Variants in PRKN observed in about 807,000 individuals in gnomAD.
PRKN encodes E3 ubiquitin-protein ligase parkin.
In PRKN, 56 loss-of-function variants were observed where a neutral mutation model predicts 59.5. The ratio of observed to expected loss-of-function variants is 0.94; its 90% CI spans 0.76 to 1.18. PRKN has a LOEUF of 1.18. PRKN is among the 50% of genes most tolerant of loss of function. The probability of loss-of-function intolerance (pLI) is 0.00; values close to 1 mark genes in which losing one functional copy is unlikely to be tolerated. For synonymous variants in PRKN, 250 were observed against 222.1 expected (o/e 1.13, Z -1.12); for missense variants, 657 against 596.4 (o/e 1.10, Z -1.06).
At chr6:162,607,831 T>C (rs1210566473) in intron 1 of PRKN, among the ~76,000 whole-genome samples, 3 of 152,084 alleles carry the variant, frequency 2.0e-5, no homozygotes, top group Non-Finnish European at 4.4e-5. Context: ...GAAGAGTTCA[T>C]CTGCCAAGAC....
chr6:162,297,718 T>C (rs942080887), intron 2 of PRKN, among the ~76,000 whole-genome samples: 3 of 151,990 alleles, frequency 2.0e-5, no homozygotes, highest in African/African-American at 7.2e-5. Context: ...AAAAACCACA[T>C]AGGACAAGGA....
At chr6:161,537,724 T>C (rs1255992555) in intron 9 of PRKN, among the ~76,000 whole-genome samples, 1 of 152,224 alleles carries the variant, frequency 6.6e-6, no homozygotes, top group Non-Finnish European at 1.5e-5. Context: ...GTGCTGGGAT[T>C]ACAGGCGTGA....
chr6:162,581,684 A>T (rs1184143076), intron 1 of PRKN, among the ~76,000 whole-genome samples: 1 of 152,220 alleles, frequency 6.6e-6, no homozygotes, highest in East Asian at 1.9e-4. Flanking sequence ...ACTTGAACCC[A>T]GGAGGCAGAG....
At chr6:162,574,572 T>A (rs11968095) in intron 1 of PRKN, among the ~76,000 whole-genome samples, 33,931 of 152,044 alleles carry the variant, frequency 0.22, 4,563 homozygotes, top group African/African-American at 0.37. Context: ...TTTCAACGTG[T>A]ATCTTGGACA....
At position 161,395,092 on chromosome 6, in the gene PRKN, C is replaced by T. The variant is rs1159115488; in HGVS notation, c.1084-8215G>A. On this transcript the variant is annotated intron_variant, in intron 9 of 11. Transcript: ENST00000366898. This position sits in a 1 kb window ranked among gnomAD's most constrained non-coding sequence, Gnocchi z 5.0. The stretch of plus-strand genomic sequence containing the variant: ...TACATTGTGAAAAATGTCTCCTTTC[C>T]TCCTTGGTCAGCTACATAGCTTCCC... Among the ~76,000 whole-genome samples, 3 of 152,088 alleles carry T rather than the reference C, an allele frequency of 2.0e-5. No individual in the cohort carries two copies. The highest frequency in any genetic ancestry group is 4.4e-5 in the Non-Finnish European group (3 of 68,036).
Position 162,011,562 on chromosome 6 carries a change from T to C in PRKN, c.619-38145A>G, listed in dbSNP as rs990081761. ...TTCCAGACTGACTTTAAGATTGGTTTGATATTTTTATTTTCTATTTTACTT... is the reference window on the plus strand; with the variant it reads ...TTCCAGACTGACTTTAAGATTGGTTCGATATTTTTATTTTCTATTTTACTT... On this transcript the variant is annotated intron_variant, in intron 5 of 11. Transcript: ENST00000366898. Among the ~76,000 whole-genome samples the C allele has an allele frequency of 2.4e-4, 32 of 133,374 alleles. No individual in the cohort carries two copies. In the South Asian group the frequency reaches 6.0e-3, roughly 25 times the overall value. 87.5% of individuals were successfully genotyped at this position (133,374 alleles called of 152,430 possible). A position where few individuals can be genotyped will look rare whatever the true frequency, so the allele number is the denominator to read the frequency against.
intron 2 of PRKN, among the ~76,000 whole-genome samples, chr6:162,387,555 C>CACACAGAGAGAGAGAG (rs1212726833): frequency 3.1e-5 from 3 of 95,574 alleles, no homozygotes; most frequent in Admixed American, 1.2e-4. Flanking sequence ...CACACACACA[C>CACACAGAGAGAGAGAG]AGAGAGAGAG....
intron 2 of PRKN, among the ~76,000 whole-genome samples, chr6:162,329,833 T>C (rs1185796729): frequency 2.0e-5 from 3 of 152,158 alleles, no homozygotes; most frequent in African/African-American, 7.2e-5. Context: ...GAAATCTATG[T>C]CAATATAGCC....
intron 4 of PRKN, among the ~76,000 whole-genome samples, chr6:162,138,796 A>G (rs1430170816): frequency 2.0e-5 from 3 of 152,138 alleles, no homozygotes; most frequent in African/African-American, 7.2e-5. Context: ...TGCAGAAGGG[A>G]AAAAGGCAGT....
At chr6:162,462,568 G>A (rs1254824339) in intron 1 of PRKN, among the ~76,000 whole-genome samples, 2 of 152,106 alleles carry the variant, frequency 1.3e-5, no homozygotes, top group African/African-American at 2.4e-5. Flanking sequence ...CAATATAAAT[G>A]TGAGGCTACA....
intron 6 of PRKN, among the ~76,000 whole-genome samples, chr6:161,880,095 A>G (rs1794876372): frequency 6.6e-6 from 1 of 152,214 alleles, no homozygotes; most frequent in South Asian, 2.1e-4. Flanking sequence ...TTCATGTTTA[A>G]TTTTAGAAAA....
chr6:162,503,015 T>A (rs571221326), intron 1 of PRKN, among the ~76,000 whole-genome samples: 88 of 151,084 alleles, frequency 5.8e-4, no homozygotes, highest in African/African-American at 2.0e-3. Context: ...AAATAGAATA[T>A]CTTGTATTGT....
chr6:162,533,239 T>G lies in PRKN; in HGVS notation c.8-89766A>C, dbSNP rs371756515. 3.8e-4 allele frequency among the ~76,000 whole-genome samples: 58 copies of G among 152,284 alleles called. No individual in the cohort carries two copies. The East Asian group carries it at 6.6e-3, about 17-fold the overall frequency. On this transcript the variant is annotated intron_variant, in intron 1 of 11. Transcript: ENST00000366898. ...GAATCAGTTTTAAAGTAAATACATT[T>G]ATGGCTGGGCGCGGTGGCTCACGCC...
Position 161,357,910 on chromosome 6 carries a change from T to C in PRKN, c.1285+2178A>G, listed in dbSNP as rs1784823179. 6.6e-6 allele frequency among the ~76,000 whole-genome samples: 1 copy of C among 152,226 alleles called. No individual in the cohort carries two copies. The highest frequency in any genetic ancestry group is 1.5e-5 in the Non-Finnish European group (1 of 68,044). ...GAGGAAGTCCCATTGAAACCCATCT[T>C]ATGAACGAGCAAACTGGTGCTCACA... On this transcript the variant is annotated intron_variant, in intron 11 of 11. Coordinates refer to ENST00000366898, the MANE Select transcript of PRKN (RefSeq NM_004562.3). This position sits in a 1 kb window ranked among gnomAD's most constrained non-coding sequence, Gnocchi z 5.5.
chr6:162,411,742 T>G (rs533039945), intron 2 of PRKN, among the ~76,000 whole-genome samples: 42 of 152,264 alleles, frequency 2.8e-4, no homozygotes, highest in South Asian at 1.5e-3. Context: ...ATTAGGAGAC[T>G]GGAGACAAAT....
rs6915926 is a variant in PRKN, at chr6:161,526,789, C to T, written c.1083+22065G>A. ...AATAAACTGACAGTAGACAGATCAA[C>T]ACGATAAAATACATACAAATTTATT... On this transcript the variant is annotated intron_variant, in intron 9 of 11. Coordinates refer to ENST00000366898, the MANE Select transcript of PRKN (RefSeq NM_004562.3). This position sits in a 1 kb window ranked among gnomAD's most constrained non-coding sequence, Gnocchi z 4.1. Among the ~76,000 whole-genome samples the T allele has an allele frequency of 0.072, 10,889 of 152,146 alleles. 519 individuals are homozygous for T. Among genetic ancestry groups the T allele is most frequent in the African/African-American group, 0.13 (5,440 of 41,486 alleles).
chr6:162,443,203 A>T, intron 2 of PRKN, 107 bp downstream of exon 2: 2 of 1,146,092 alleles, frequency 1.7e-6, no homozygotes, highest in Non-Finnish European at 2.6e-6. Flanking sequence ...ATCCCCAGGC[A>T]CTATTTATTC....
chr6:162,257,861 A>G (rs2128098621), intron 3 of PRKN, among the ~76,000 whole-genome samples: 1 of 152,098 alleles, frequency 6.6e-6, no homozygotes, highest in East Asian at 1.9e-4. Flanking sequence ...CTGAAGTCAG[A>G]TCATGTCACT....
chr6:162,557,851 G>C (rs1779674111), intron 1 of PRKN, among the ~76,000 whole-genome samples: 1 of 151,980 alleles, frequency 6.6e-6, no homozygotes, highest in Non-Finnish European at 1.5e-5. Context: ...GACAATATAG[G>C]GCTTCTTCTG....
Sources: gnomAD v4.1 joint callset for allele counts (sites outside exome capture counted in the v4.1 genomes callset) on GRCh38, gnomAD v4.1.1 for gene constraint, Gnocchi (gnomAD v3.1) non-coding constraint, MANE v1.5 for transcripts, NCBI Gene and HGNC (gene_info 2026-07-23, HGNC 2026-07-21) for gene names.